PITPNC1: variants seen among roughly 807,000 people sequenced by gnomAD.
PITPNC1 encodes phosphatidylinositol transfer protein cytoplasmic 1, also known as cytoplasmic phosphatidylinositol transfer protein 1.
PITPNC1 carries 18 observed loss-of-function variants against 44.7 expected under a neutral mutation model. That is an observed-to-expected ratio of 0.40 (90% confidence interval 0.28 to 0.60). The LOEUF (loss-of-function observed/expected upper bound fraction) is 0.60. Among genes scored for constraint, PITPNC1 ranks in the 20% least tolerant of loss-of-function variants. The probability of loss-of-function intolerance (pLI) is 0.39; values close to 1 mark genes in which losing one functional copy is unlikely to be tolerated. For synonymous variants in PITPNC1, 141 were observed against 149.6 expected (o/e 0.94, Z 0.42); for missense variants, 290 against 418.4 (o/e 0.69, Z 2.68).
chr17:67,393,606 C>T (rs904398819), intron 1 of PITPNC1, among the ~76,000 whole-genome samples: 4 of 152,068 alleles, frequency 2.6e-5, no homozygotes, highest in Admixed American at 1.3e-4. Flanking sequence ...TTGCAGCCAG[C>T]GAAATACTTG....
At position 67,676,996 on chromosome 17, in the gene PITPNC1, T is replaced by A. The variant is rs76983794; in HGVS notation, c.682+1454T>A. Among the ~76,000 whole-genome samples, 7,601 of 152,198 alleles carry A rather than the reference T, an allele frequency of 0.05. 226 individuals are homozygous for A. Among genetic ancestry groups the A allele is most frequent in the Middle Eastern group, 0.095 (28 of 294 alleles). ...AGCACTGGCTTGCCACATTGTCATG[T>A]AGTCTCCCAGAGACCTGTCTATTTC... On this transcript the variant is annotated intron_variant, in intron 8 of 8. Transcript: ENST00000581322. The surrounding 1 kb of genome is among the most constrained non-coding windows in gnomAD (Gnocchi z 4.0).
intron 1 of PITPNC1, 27 bp downstream of exon 1, chr17:67,378,229 G>A (rs2037900937): frequency 1.4e-6 from 2 of 1,451,806 alleles, no homozygotes; most frequent in African/African-American, 1.5e-5. Flanking sequence ...GCCCGGCCTC[G>A]CCCGCTCCGG....
At chr17:67,617,129 A>G (rs2041768841) in intron 5 of PITPNC1, among the ~76,000 whole-genome samples, 2 of 152,226 alleles carry the variant, frequency 1.3e-5, no homozygotes, top group Admixed American at 1.3e-4. Context: ...AATATTTGGG[A>G]CAGTGAGGCC....
At position 67,545,808 on chromosome 17, in the gene PITPNC1, C is replaced by T. The variant is rs1046529623; in HGVS notation, c.198-6449C>T. Among the ~76,000 whole-genome samples the T allele has an allele frequency of 2.6e-5, 4 of 152,256 alleles. No individual in the cohort carries two copies. The East Asian group carries it at 5.8e-4, about 22-fold the overall frequency. ...AGACAGAAACACCTGCTGGGCATCA[C>T]ACACCGTTCTAGGTGCTGGGGTTGC... On this transcript the variant is annotated intron_variant, in intron 2 of 8. Transcript: ENST00000581322.
At chr17:67,393,297 T>A (rs76348668) in intron 1 of PITPNC1, among the ~76,000 whole-genome samples, 1 of 152,100 alleles carries the variant, frequency 6.6e-6, no homozygotes, top group Non-Finnish European at 1.5e-5. Context: ...GAATTGAAAC[T>A]CTGTATCCAT....
intron 6 of PITPNC1, among the ~76,000 whole-genome samples, chr17:67,632,722 C>G (rs1156605524): frequency 6.6e-6 from 1 of 152,060 alleles, no homozygotes; most frequent in Admixed American, 6.6e-5. Context: ...CGCCCACCAC[C>G]ATACCTGGCT....
At chr17:67,559,493 C>T (rs1340479335) in intron 4 of PITPNC1, among the ~76,000 whole-genome samples, 1 of 152,058 alleles carries the variant, frequency 6.6e-6, no homozygotes, top group Non-Finnish European at 1.5e-5. Context: ...GGGAAATATC[C>T]TTTTTTTAGG....
At chr17:67,533,390 G>A (rs1407112196) in intron 2 of PITPNC1, among the ~76,000 whole-genome samples, 1 of 152,206 alleles carries the variant, frequency 6.6e-6, no homozygotes, top group African/African-American at 2.4e-5. Flanking sequence ...CCACGGCTTT[G>A]ATGACGTGTT....
chr17:67,381,056 G>A (rs958838443), intron 1 of PITPNC1, among the ~76,000 whole-genome samples: 1 of 152,086 alleles, frequency 6.6e-6, no homozygotes, highest in Non-Finnish European at 1.5e-5. Flanking sequence ...TGCCGGGTGC[G>A]GTGGCTCACG....
chr17:67,679,301 A>G (rs1473918539), intron 8 of PITPNC1, among the ~76,000 whole-genome samples: 1 of 152,240 alleles, frequency 6.6e-6, no homozygotes, highest in Non-Finnish European at 1.5e-5. Flanking sequence ...AGGAACCCAA[A>G]TTCTTACAAC....
intron 1 of PITPNC1, among the ~76,000 whole-genome samples, chr17:67,511,275 T>C (rs2040181401): frequency 6.6e-6 from 1 of 152,232 alleles, no homozygotes; most frequent in African/African-American, 2.4e-5. Context: ...TTTTTCCAGC[T>C]TTGTTATTGC....
chr17:67,653,476 C>T (rs779246504), intron 6 of PITPNC1, among the ~76,000 whole-genome samples: 4 of 152,186 alleles, frequency 2.6e-5, no homozygotes, highest in Non-Finnish European at 5.9e-5. Context: ...TTTGGGGCTT[C>T]TAGCCTCCAG....
Position 67,440,718 on chromosome 17 carries a change from A to T in PITPNC1, c.48+62516A>T, listed in dbSNP as rs549186550. ...TGGCTGATTTTTTTTTTGAAAAAAA[A>T]TTTTTTTTATAGGGATAGGGGTCTT... On this transcript the variant is annotated intron_variant, in intron 1 of 8. Coordinates refer to ENST00000581322, the MANE Select transcript of PITPNC1 (RefSeq NM_012417.4). 1.2e-3 allele frequency among the ~76,000 whole-genome samples: 175 copies of T among 150,550 alleles called. 1 individual carries two copies. The highest frequency in any genetic ancestry group is 4.1e-3 in the African/African-American group (170 of 40,988).
At chr17:67,603,654 G>T (rs996155151) in intron 5 of PITPNC1, among the ~76,000 whole-genome samples, 1 of 152,176 alleles carries the variant, frequency 6.6e-6, no homozygotes, top group Admixed American at 6.5e-5. Context: ...GTAGAGCCAG[G>T]CGCGGTGGCT....
intron 1 of PITPNC1, among the ~76,000 whole-genome samples, chr17:67,498,863 T>G (rs1228731023): frequency 8.2e-6 from 1 of 121,774 alleles, no homozygotes; most frequent in Non-Finnish European, 1.7e-5. Flanking sequence ...TTTGTTTTTT[T>G]TTTTGTTTGT....
At chr17:67,591,976 G>A (rs1307373873) in intron 5 of PITPNC1, among the ~76,000 whole-genome samples, 2 of 151,048 alleles carry the variant, frequency 1.3e-5, no homozygotes, top group Non-Finnish European at 1.5e-5. Flanking sequence ...GCCTCCCAAA[G>A]TGCTGGCATT....
chr17:67,425,197 GCACACGCA>G lies in PITPNC1; in HGVS notation c.48+47001_48+47008del, dbSNP rs1567984680. Reference sequence around the variant, plus strand: ...AAACAGCCATGTTGTGCGCGCGCACGCACACGCACACACACACACACACACACACACAC... The same window carrying G: ...AAACAGCCATGTTGTGCGCGCGCACGCACACACACACACACACACACACAC... On this transcript the variant is annotated intron_variant, in intron 1 of 8. Transcript: ENST00000581322. 2.2e-3 allele frequency among the ~76,000 whole-genome samples: 219 copies of G among 98,462 alleles called. 13 individuals carry two copies. Among genetic ancestry groups the G allele is most frequent in the Non-Finnish European group, 2.7e-3 (127 of 47,206 alleles). The allele number at this position is 98,462 out of a possible 152,430, so 64.6% of individuals were successfully genotyped here.
chr17:67,680,954 G>C lies in PITPNC1; in HGVS notation c.682+5412G>C, dbSNP rs569179323. On this transcript the variant is annotated intron_variant, in intron 8 of 8. Coordinates refer to ENST00000581322, the MANE Select transcript of PITPNC1 (RefSeq NM_012417.4). ...TTGGTGAAGGAGGCTGAAAGTGAAC[G>C]GAAATGTTTGTAGAGGGAAATAAAG... 2.6e-5 allele frequency among the ~76,000 whole-genome samples: 4 copies of C among 152,124 alleles called. 1 individual carries two copies. The South Asian group carries it at 8.3e-4, about 32-fold the overall frequency.
intron 5 of PITPNC1, among the ~76,000 whole-genome samples, chr17:67,585,655 A>C (rs1009363764): frequency 5.9e-5 from 9 of 152,072 alleles, no homozygotes; most frequent in African/African-American, 2.2e-4. Flanking sequence ...AAATGCAAAA[A>C]CTAGCCAGAT....
Sources: allele counts gnomAD v4.1 joint callset (sites outside exome capture counted in the v4.1 genomes callset), GRCh38; gene constraint gnomAD v4.1.1; non-coding constraint Gnocchi (gnomAD v3.1); transcripts MANE v1.5; gene names NCBI Gene and HGNC (gene_info 2026-07-23, HGNC 2026-07-21).